Variants in CNTN5 observed in about 807,000 individuals in gnomAD.
CNTN5 encodes contactin 5.
CNTN5 carries 77 observed loss-of-function variants against 129.1 expected under a neutral mutation model. The ratio of observed to expected loss-of-function variants is 0.60; its 90% CI spans 0.50 to 0.72. The LOEUF (loss-of-function observed/expected upper bound fraction) is 0.72. Ranked by LOEUF, CNTN5 falls within the 30% of genes least tolerant of loss-of-function variation. CNTN5 has a pLI of 0.00. For synonymous variants in CNTN5, 509 were observed against 465.6 expected (o/e 1.09, Z -1.20); for missense variants, 1,478 against 1,328.8 (o/e 1.11, Z -1.75).
At chr11:99,638,468 G>A (rs10893634) in intron 3 of CNTN5, among the ~76,000 whole-genome samples, 39,801 of 151,832 alleles carry the variant, frequency 0.26, 5,316 homozygotes, top group South Asian at 0.38. Context: ...GACTCATTTG[G>A]GCATTAACCC....
At chr11:100,062,502 A>G (rs1943524542) in intron 10 of CNTN5, among the ~76,000 whole-genome samples, 1 of 152,224 alleles carries the variant, frequency 6.6e-6, no homozygotes, top group African/African-American at 2.4e-5. Flanking sequence ...ACTGCTCTAC[A>G]TGCCAGCAAT....
rs181105372 is a variant in CNTN5 at position 99,293,707 on chromosome 11, C to T, written c.-209-31639C>T. On this transcript the variant is annotated intron_variant, in intron 1 of 24. Transcript: ENST00000524871. ...CTAGGCTTTCCATTTTTTTGGTGTA[C>T]GGTTGTTCATAATAGTCTCTAATGA... Among the ~76,000 whole-genome samples the T allele has an allele frequency of 3.4e-3, 518 of 151,968 alleles. 5 individuals carry two copies. Among genetic ancestry groups the T allele is most frequent in the Middle Eastern group, 0.024 (7 of 294 alleles).
chr11:99,887,903 C>A (rs1319136646), intron 6 of CNTN5, among the ~76,000 whole-genome samples: 1 of 152,186 alleles, frequency 6.6e-6, no homozygotes, highest in Non-Finnish European at 1.5e-5. Flanking sequence ...TCTCCCAGTC[C>A]ACTCACTCAA....
chr11:99,831,138 A>T (rs918214064), intron 4 of CNTN5, among the ~76,000 whole-genome samples: 6 of 152,202 alleles, frequency 3.9e-5, no homozygotes, highest in Non-Finnish European at 7.3e-5. Flanking sequence ...TTAAATCATG[A>T]TAACTAGGTT....
chr11:100,128,420 AG>A (rs1693635056), intron 13 of CNTN5, among the ~76,000 whole-genome samples: 1 of 152,178 alleles, frequency 6.6e-6, no homozygotes, highest in Non-Finnish European at 1.5e-5. Flanking sequence ...GCTCCCAAAG[AG>A]GTCCATATCC....
intron 23 of CNTN5, among the ~76,000 whole-genome samples, chr11:100,346,121 A>T (rs1952273019): frequency 2.0e-5 from 3 of 152,148 alleles, no homozygotes; most frequent in African/African-American, 7.2e-5. Flanking sequence ...TGGGAAAATG[A>T]AACAAAAACT....
chr11:99,429,712 C>T (rs1485979949), intron 2 of CNTN5, among the ~76,000 whole-genome samples: 5 of 151,890 alleles, frequency 3.3e-5, no homozygotes, highest in African/African-American at 1.2e-4. Flanking sequence ...ACACTTAATC[C>T]TGGTTCTCCA....
At chr11:100,242,934 A>T (rs937994521) in intron 16 of CNTN5, among the ~76,000 whole-genome samples, 2 of 152,260 alleles carry the variant, frequency 1.3e-5, no homozygotes, top group African/African-American at 4.8e-5. Flanking sequence ...ATGTATTGTC[A>T]TGTCTGATAA....
intron 6 of CNTN5, among the ~76,000 whole-genome samples, chr11:99,865,408 T>A (rs1948328959): frequency 6.6e-6 from 1 of 151,940 alleles, no homozygotes; most frequent in East Asian, 1.9e-4. Context: ...TATCTATTTT[T>A]AAAATACTAT....
At chr11:99,983,339 A>G (rs1012131716) in intron 8 of CNTN5, among the ~76,000 whole-genome samples, 2 of 152,148 alleles carry the variant, frequency 1.3e-5, no homozygotes, top group Non-Finnish European at 2.9e-5. Flanking sequence ...GGAGTGGAGA[A>G]AAGTGTTGTG....
At chr11:99,356,599 GTCTGTC>G (rs1458719784) in intron 2 of CNTN5, among the ~76,000 whole-genome samples, 1 of 152,182 alleles carries the variant, frequency 6.6e-6, no homozygotes, top group Non-Finnish European at 1.5e-5. Flanking sequence ...ACTGGAAGAA[GTCTGTC>G]CATTATTCTG....
intron 3 of CNTN5, among the ~76,000 whole-genome samples, chr11:99,705,419 T>A (rs1591506684): frequency 6.6e-6 from 1 of 151,350 alleles, no homozygotes; most frequent in South Asian, 2.1e-4. Flanking sequence ...AAAGACTCCA[T>A]GCCTACATGC....
At chr11:100,048,442 G>A (rs1787310487) in intron 9 of CNTN5, among the ~76,000 whole-genome samples, 2 of 152,044 alleles carry the variant, frequency 1.3e-5, no homozygotes, top group Admixed American at 6.6e-5. Flanking sequence ...ATACATATAT[G>A]TATAAATCTA....
chr11:99,902,500 A>G (rs1484351416), intron 6 of CNTN5, among the ~76,000 whole-genome samples: 1 of 152,150 alleles, frequency 6.6e-6, no homozygotes, highest in Admixed American at 6.6e-5. Context: ...ATGTATCACT[A>G]GTAAATAGAC....
At chr11:100,111,012 A>AT (rs1039203924) in intron 13 of CNTN5, among the ~76,000 whole-genome samples, 1 of 151,938 alleles carries the variant, frequency 6.6e-6, no homozygotes, top group African/African-American at 2.4e-5. Flanking sequence ...ATGCAAAAAA[A>AT]AAAAATGTAA....
rs374077365 is a variant in CNTN5, at chr11:99,391,747, T to C, written c.-71+66263T>C. Among the ~76,000 whole-genome samples the C allele has an allele frequency of 1.2e-4, 19 of 152,120 alleles. No homozygotes were observed. In the East Asian group the frequency reaches 1.5e-3, roughly 12 times the overall value. ...AGTCAGTAAGAATTTAGTATAAGGG[T>C]ATTTGGTCCAAAATTGCTTTCTTCT... On this transcript the variant is annotated intron_variant, in intron 2 of 24. Coordinates refer to ENST00000524871, the MANE Select transcript of CNTN5 (RefSeq NM_014361.4).
chr11:99,660,692 A>G (rs1434962528), intron 3 of CNTN5, among the ~76,000 whole-genome samples: 1 of 152,116 alleles, frequency 6.6e-6, no homozygotes, highest in African/African-American at 2.4e-5. Flanking sequence ...CTTACGCTAG[A>G]GGAGCTGTGT....
chr11:100,251,507 C>G (rs1167233617), intron 16 of CNTN5, among the ~76,000 whole-genome samples: 2 of 152,162 alleles, frequency 1.3e-5, no homozygotes, highest in East Asian at 3.9e-4. Context: ...GTCTATAGCC[C>G]TAGAACTTAT....
intron 4 of CNTN5, among the ~76,000 whole-genome samples, chr11:99,839,219 C>T (rs892861945): frequency 2.0e-5 from 3 of 152,112 alleles, no homozygotes; most frequent in African/African-American, 4.8e-5. Flanking sequence ...TTGCCTTTGT[C>T]GTCAGACTTC....
Sources: gnomAD v4.1 joint callset for allele counts (sites outside exome capture counted in the v4.1 genomes callset) on GRCh38, gnomAD v4.1.1 for gene constraint, MANE v1.5 for transcripts, NCBI Gene and HGNC (gene_info 2026-07-23, HGNC 2026-07-21) for gene names.